IGDCC3: variants seen among roughly 807,000 people sequenced by gnomAD.
The protein encoded by IGDCC3 is putative neuronal cell adhesion molecule.
IGDCC3 carries 47 observed loss-of-function variants against 72.0 expected under a neutral mutation model. The observed-to-expected ratio is 0.65, with a 90% CI of 0.52 to 0.83. The LOEUF (loss-of-function observed/expected upper bound fraction) is 0.83. Among genes scored for constraint, IGDCC3 ranks in the 40% least tolerant of loss-of-function variants. The pLI is 0.00. For synonymous variants in IGDCC3, 477 were observed against 472.8 expected, an observed-to-expected ratio of 1.01 and a Z score of -0.11; for missense variants, 1,038 against 1,091.3, an observed-to-expected ratio of 0.95 and a Z score of 0.69.
At position 65,331,067 on chromosome 15, in the gene IGDCC3, G is replaced by C; in HGVS notation, c.1544C>G (p.Ala515Gly). The C allele has an allele frequency of 6.2e-7, 1 of 1,613,934 alleles. No individual in the cohort carries two copies. Among genetic ancestry groups the C allele is most frequent in the Non-Finnish European group, 8.5e-7 (1 of 1,179,902 alleles). Reference sequence around the variant, plus strand: ...GGCCTCACCTTCACCCAGGGTGCTAGCTAGGGTGGGCACAGAGGCTGAGCT... The same window carrying C: ...GGCCTCACCTTCACCCAGGGTGCTACCTAGGGTGGGCACAGAGGCTGAGCT... ...GASSASVPTL[A>G]STLGEAPAPP... Residue 515 changes from alanine (A) to glycine (G), a missense_variant, in exon 9 of 14, where the codon GCT becomes GGT. Coordinates refer to ENST00000327987, the MANE Select transcript of IGDCC3 (RefSeq NM_004884.4).
At position 65,330,692 on chromosome 15, in the gene IGDCC3, C is replaced by T. The variant is rs779094460; in HGVS notation, c.1611G>A (p.Leu537=). The change falls in exon 10 of 14, where the codon TTG becomes TTA. Residue 537 remains leucine, a synonymous_variant. Transcript: ENST00000327987. ...LSVRVLGSSS[L]QLLWEPWPRL... is the part of the protein sequence containing the mutation. Reference sequence around the variant, plus strand: ...GGGGCCAAGGCTCCCACAGCAGCTGCAAGGAGGAGCTGCCCAGGACTCGCA... The same window carrying T: ...GGGGCCAAGGCTCCCACAGCAGCTGTAAGGAGGAGCTGCCCAGGACTCGCA... 1 of 1,613,238 alleles carries T rather than the reference C, an allele frequency of 6.2e-7. No homozygotes were observed. Among genetic ancestry groups the T allele is most frequent in the South Asian group, 1.1e-5 (1 of 91,044 alleles).
At chr15:65,344,974 A>ACC (rs1355315138) in intron 2 of IGDCC3, among the ~76,000 whole-genome samples, 2 of 152,038 alleles carry the variant, frequency 1.3e-5, no homozygotes, top group Admixed American at 1.3e-4. Flanking sequence ...CACCCCACCA[A>ACC]CCCCACAGCC....
rs118001444 is a variant in IGDCC3 at position 65,328,761 on chromosome 15, T to C, written c.*148A>G. The C allele has an allele frequency of 2.9e-3, 2,983 of 1,032,218 alleles. 83 individuals are homozygous for C. The Admixed American group carries it at 0.053, about 18-fold the overall frequency. The allele number at this position is 1,032,218 out of a possible 1,614,324, so 63.9% of individuals were successfully genotyped here. ...CCGGGGGGTCCCTGTCAAGGCTGCC[T>C]TGGGTTTTGACAACCCAAGAGGCAG... is the stretch of plus-strand genomic sequence containing the variant. On this transcript the variant is annotated 3_prime_UTR_variant, in exon 14 of 14. Coordinates refer to ENST00000327987, the MANE Select transcript of IGDCC3 (RefSeq NM_004884.4).
chr15:65,338,822 A>G (rs746154403), intron 2 of IGDCC3, among the ~76,000 whole-genome samples: 4 of 152,158 alleles, frequency 2.6e-5, no homozygotes, highest in Non-Finnish European at 4.4e-5. Context: ...AGGATCCACA[A>G]TCTCTGGGCC....
At chr15:65,370,245 G>A (rs552337730) in intron 2 of IGDCC3, among the ~76,000 whole-genome samples, 6 of 152,058 alleles carry the variant, frequency 3.9e-5, no homozygotes, top group South Asian at 2.1e-4. Context: ...GGCTGGACAC[G>A]GTGGCTCACA....
At chr15:65,366,857 G>T (rs1276735989) in intron 2 of IGDCC3, among the ~76,000 whole-genome samples, 1 of 152,244 alleles carries the variant, frequency 6.6e-6, no homozygotes, top group East Asian at 1.9e-4. Flanking sequence ...CCCACAGAAA[G>T]CCCTCTCTTC....
At chr15:65,343,341 T>G in intron 2 of IGDCC3, among the ~76,000 whole-genome samples, 1 of 150,240 alleles carries the variant, frequency 6.7e-6, no homozygotes, top group Non-Finnish European at 1.5e-5. Context: ...AGGGAGTGCA[T>G]GGTGGAGCTC....
At chr15:65,333,196 C>T (rs989034823) in intron 6 of IGDCC3, 61 bp downstream of exon 6, 3 of 1,473,840 alleles carry the variant, frequency 2.0e-6, no homozygotes, top group African/African-American at 2.8e-5. Flanking sequence ...TGGGCCTGGG[C>T]TGGGAGGAAG....
chr15:65,328,899 C>T lies in IGDCC3; in HGVS notation c.*10G>A. 6.6e-7 allele frequency: 1 copy of T among 1,519,156 alleles called. No individual in the cohort carries two copies. The highest frequency in any genetic ancestry group is 8.8e-7 in the Non-Finnish European group (1 of 1,136,948). 94.1% of individuals were successfully genotyped at this position (1,519,156 alleles called of 1,614,324 possible). ...GCTCCGTCCACCCTCTGGAGCCTGC[C>T]AGACACTGGCTACTGTTCCGAGTGA... On this transcript the variant is annotated 3_prime_UTR_variant, in exon 14 of 14. Transcript: ENST00000327987.
Position 65,332,046 on chromosome 15 carries a change from A to T in IGDCC3, c.1043T>A (p.Met348Lys). Reference sequence around the variant, plus strand: ...CTCACCCTGGGCTTGGCAGGTGAACATGGCTGTGGTCCCAGCTGGCCTGGA... The same window carrying T: ...CTCACCCTGGGCTTGGCAGGTGAACTTGGCTGTGGTCCCAGCTGGCCTGGA... ...SISRPAGTTA[M>K]FTCQAQGEPP... The change falls in exon 7 of 14, where the codon ATG becomes AAG. Residue 348 changes from methionine (M) to lysine (K), a missense_variant. Met to Lys is a moderately conservative substitution (Grantham distance 95, BLOSUM62 -1). Transcript: ENST00000327987. 6.2e-7 allele frequency: 1 copy of T among 1,614,136 alleles called. No homozygotes were observed. The highest frequency in any genetic ancestry group is 8.5e-7 in the Non-Finnish European group (1 of 1,180,002).
At position 65,332,060 on chromosome 15, in the gene IGDCC3, A is replaced by G. The variant is rs764399353; in HGVS notation, c.1029T>C (p.Ala343=). 6.2e-7 allele frequency: 1 copy of G among 1,614,134 alleles called. No homozygotes were observed. The highest frequency in any genetic ancestry group is 1.7e-5 in the Admixed American group (1 of 60,008). ...GGCAGGTGAACATGGCTGTGGTCCC[A>G]GCTGGCCTGGAGATGGACTGGGGAT... The part of the protein sequence containing the change: ...VQHPQSISRP[A]GTTAMFTCQA... The change falls in exon 7 of 14, where the codon GCT becomes GCC. Residue 343 remains alanine (A), a synonymous_variant. Transcript: ENST00000327987.
At chr15:65,358,091 A>G (rs1328729740) in intron 2 of IGDCC3, among the ~76,000 whole-genome samples, 1 of 147,902 alleles carries the variant, frequency 6.8e-6, no homozygotes, top group Non-Finnish European at 1.5e-5. Flanking sequence ...AGTTAGTAGC[A>G]GATCCAAGAC....
At chr15:65,371,052 T>C (rs1230298793) in intron 2 of IGDCC3, among the ~76,000 whole-genome samples, 1 of 152,208 alleles carries the variant, frequency 6.6e-6, no homozygotes, top group African/African-American at 2.4e-5. Context: ...ACAACCCACA[T>C]TTAAACCACT....
intron 2 of IGDCC3, among the ~76,000 whole-genome samples, chr15:65,371,312 G>T (rs1411358360): frequency 1.3e-5 from 2 of 152,186 alleles, no homozygotes; most frequent in Non-Finnish European, 2.9e-5. Context: ...TCAGATGAGG[G>T]TACAGACTCT....
intron 2 of IGDCC3, among the ~76,000 whole-genome samples, chr15:65,359,135 T>C (rs1412201911): frequency 1.3e-5 from 2 of 152,340 alleles, no homozygotes. Context: ...TGCTTTTAAA[T>C]GATCTCTTCC....
intron 2 of IGDCC3, among the ~76,000 whole-genome samples, chr15:65,361,958 T>C (rs1218590748): frequency 6.6e-6 from 1 of 152,094 alleles, no homozygotes; most frequent in Non-Finnish European, 1.5e-5. Flanking sequence ...GACCGCATCC[T>C]GAAACTTCGC....
chr15:65,331,699 G>T, intron 7 of IGDCC3, 40 bp from the exon 8 acceptor site: 1 of 1,540,318 alleles, frequency 6.5e-7, no homozygotes, highest in South Asian at 1.2e-5. Context: ...CCTCCTCCCT[G>T]GAGGTTGACC....
chr15:65,334,969 C>A, intron 4 of IGDCC3, 104 bp from the exon 5 acceptor site: 2 of 1,330,388 alleles, frequency 1.5e-6, no homozygotes, highest in Non-Finnish European at 2.0e-6. Flanking sequence ...AACACCAGCC[C>A]AGAAACCAGG....
At chr15:65,336,033 A>C in intron 2 of IGDCC3, 77 bp from the exon 3 acceptor site, 1 of 1,476,876 alleles carries the variant, frequency 6.8e-7, no homozygotes, top group Non-Finnish European at 9.3e-7. Flanking sequence ...CAGTGGCGTC[A>C]CAGGCACGGA....
Sources: allele counts gnomAD v4.1 joint callset (sites outside exome capture counted in the v4.1 genomes callset), GRCh38; gene constraint gnomAD v4.1.1; transcripts MANE v1.5; gene names NCBI Gene and HGNC (gene_info 2026-07-23, HGNC 2026-07-21).